CYP7B1: variants seen among roughly 807,000 people sequenced by gnomAD.
CYP7B1 encodes cytochrome P450 family 7 subfamily B member 1.
CYP7B1 carries 29 observed loss-of-function variants against 42.7 expected under a neutral mutation model. That is an observed-to-expected ratio of 0.68 (90% CI 0.51 to 0.93). The LOEUF is 0.93. CYP7B1 is among the 40% of genes least tolerant of loss of function. The pLI is 0.00. For synonymous variants in CYP7B1, 235 were observed against 218.2 expected (o/e 1.08, Z -0.68); for missense variants, 655 against 600.5 (o/e 1.09, Z -0.95).
At position 64,596,575 on chromosome 8, in the gene CYP7B1, AGAAAT is replaced by A; in HGVS notation, c.*62_*66del. On this transcript the variant is annotated 3_prime_UTR_variant, in exon 6 of 6. Transcript: ENST00000310193. ...TCAATTACATTTGCAGAAATTAAAA[AGAAAT>A]AGATGAGCTTAGGATGTTTAGGGTA... is the stretch of plus-strand genomic sequence containing the variant. 1 of 1,433,024 alleles carries A rather than the reference AGAAAT, an allele frequency of 7.0e-7. No individual in the cohort carries two copies. Among genetic ancestry groups the A allele is most frequent in the South Asian group, 1.3e-5 (1 of 78,936 alleles). The allele number at this position is 1,433,024 out of a possible 1,614,324, so 88.8% of individuals were successfully genotyped here. A position where few individuals can be genotyped will look rare whatever the true frequency, so the allele number is the denominator to read the frequency against.
chr8:64,763,659 A>G (rs1807924863), intron 1 of CYP7B1, among the ~76,000 whole-genome samples: 1 of 151,962 alleles, frequency 6.6e-6, no homozygotes, highest in East Asian at 1.9e-4. Flanking sequence ...ACAACCCCCA[A>G]CTCTTTTGGG....
chr8:64,600,010 T>C, intron 5 of CYP7B1, among the ~76,000 whole-genome samples: 1 of 152,198 alleles, frequency 6.6e-6, no homozygotes, highest in East Asian at 1.9e-4. Context: ...ATTCCCATAG[T>C]AGAGGTTCCA....
At chr8:64,687,241 T>C (rs1806667748) in intron 1 of CYP7B1, among the ~76,000 whole-genome samples, 1 of 152,236 alleles carries the variant, frequency 6.6e-6, no homozygotes, top group Admixed American at 6.5e-5. Flanking sequence ...CACAATGGAA[T>C]ATTATTCAGT....
At chr8:64,608,635 G>A (rs953226840) in intron 4 of CYP7B1, among the ~76,000 whole-genome samples, 2 of 151,684 alleles carry the variant, frequency 1.3e-5, no homozygotes, top group Non-Finnish European at 2.9e-5. Context: ...TATGGAGGTG[G>A]TGGTGGTTAT....
intron 1 of CYP7B1, among the ~76,000 whole-genome samples, chr8:64,712,327 G>C (rs891160126): frequency 3.3e-5 from 5 of 151,516 alleles, no homozygotes; most frequent in South Asian, 4.2e-4. Context: ...ATCAGCAGCA[G>C]CAGCACTTGC....
chr8:64,651,634 A>G (rs1348179684), intron 1 of CYP7B1, among the ~76,000 whole-genome samples: 1 of 152,212 alleles, frequency 6.6e-6, no homozygotes, highest in Admixed American at 6.5e-5. Context: ...TGATTAGGTC[A>G]TGAAGGCAGA....
At chr8:64,686,351 C>T (rs1806644809) in intron 1 of CYP7B1, among the ~76,000 whole-genome samples, 6 of 38,122 alleles carry the variant, frequency 1.6e-4, no homozygotes, top group African/African-American at 7.0e-4. Context: ...GCCGCCCCTA[C>T]TGGGAAGTGA....
At chr8:64,716,402 T>A (rs1377793619) in intron 1 of CYP7B1, among the ~76,000 whole-genome samples, 1 of 152,304 alleles carries the variant, frequency 6.6e-6, no homozygotes, top group South Asian at 2.1e-4. Flanking sequence ...AAATACTATA[T>A]CAGACATAGT....
At chr8:64,791,625 C>A (rs1804619121) in intron 1 of CYP7B1, among the ~76,000 whole-genome samples, 1 of 152,210 alleles carries the variant, frequency 6.6e-6, no homozygotes, top group Admixed American at 6.5e-5. Context: ...AGGGATACAG[C>A]CCTTGCTCAT....
chr8:64,696,014 TATTGGACATTA>T (rs1281528608), intron 1 of CYP7B1, among the ~76,000 whole-genome samples: 1 of 152,202 alleles, frequency 6.6e-6, no homozygotes, highest in Non-Finnish European at 1.5e-5. Context: ...TCTTATAATT[TATTGGACATTA>T]ATTCATTCCT....
intron 1 of CYP7B1, among the ~76,000 whole-genome samples, chr8:64,688,068 C>T (rs1486401559): frequency 4.6e-5 from 7 of 152,192 alleles, no homozygotes; most frequent in African/African-American, 1.2e-4. Context: ...ACCATTGCTC[C>T]CTCTGCTTTT....
At chr8:64,792,500 A>G (rs1804635196) in intron 1 of CYP7B1, among the ~76,000 whole-genome samples, 1 of 152,200 alleles carries the variant, frequency 6.6e-6, no homozygotes, top group South Asian at 2.1e-4. Context: ...CCCATCATAC[A>G]TACTCATTCA....
downstream of CYP7B1, among the ~76,000 whole-genome samples, chr8:64,587,958 C>T (rs1207916440): frequency 6.6e-6 from 1 of 152,162 alleles, no homozygotes; most frequent in East Asian, 1.9e-4. Context: ...TAATTATGCA[C>T]AATGTGTTAT....
chr8:64,601,440 G>C (rs189783208), intron 5 of CYP7B1, among the ~76,000 whole-genome samples: 175 of 152,248 alleles, frequency 1.1e-3, no homozygotes, highest in Non-Finnish European at 1.7e-3. Context: ...CTGGACCTAG[G>C]AAAGCCAACG....
intron 1 of CYP7B1, among the ~76,000 whole-genome samples, chr8:64,692,644 T>C (rs1014335666): frequency 6.6e-6 from 1 of 152,194 alleles, no homozygotes; most frequent in African/African-American, 2.4e-5. Context: ...TGAGTACACC[T>C]TCAAAGACAG....
chr8:64,610,040 T>C (rs760030763), intron 4 of CYP7B1, among the ~76,000 whole-genome samples: 1 of 152,212 alleles, frequency 6.6e-6, no homozygotes, highest in Non-Finnish European at 1.5e-5. Context: ...CAATCAAAGC[T>C]AAGAACCATT....
chr8:64,787,982 A>G (rs1053679623), intron 1 of CYP7B1, among the ~76,000 whole-genome samples: 2 of 152,188 alleles, frequency 1.3e-5, no homozygotes, highest in African/African-American at 4.8e-5. Context: ...ACTCACTATC[A>G]AGAGAATAGC....
At chr8:64,680,193 C>A (rs1303475162) in intron 1 of CYP7B1, among the ~76,000 whole-genome samples, 3 of 151,282 alleles carry the variant, frequency 2.0e-5, no homozygotes, top group South Asian at 2.1e-4. Context: ...GTTTTTTTTC[C>A]TCCTGTGACT....
intron 1 of CYP7B1, among the ~76,000 whole-genome samples, chr8:64,677,658 AAAGGTAATGTGATGG>A (rs1449756256): frequency 3.3e-5 from 5 of 151,016 alleles, no homozygotes; most frequent in Non-Finnish European, 7.4e-5. Flanking sequence ...AAATATTCCC[AAAGGTAATGTGATGG>A]AAGGAATGCA....
Sources: allele counts gnomAD v4.1 joint callset (sites outside exome capture counted in the v4.1 genomes callset), GRCh38; gene constraint gnomAD v4.1.1; transcripts MANE v1.5; gene names NCBI Gene and HGNC (gene_info 2026-07-23, HGNC 2026-07-21).